The following AK7 variants were observed in gnomAD, a reference collection of about 807,000 sequenced individuals.
AK7 encodes the protein adenylate kinase 7, also known as ATP-AMP transphosphorylase 7.
Under a neutral mutation model 96.6 loss-of-function variants are expected in AK7, and 78 were observed. The ratio of observed to expected loss-of-function variants is 0.81; its 90% CI spans 0.67 to 0.97. The LOEUF (loss-of-function observed/expected upper bound fraction) is 0.97, where lower values mean the gene tolerates loss of function less well. Among genes scored for constraint, AK7 ranks in the 50% least tolerant of loss-of-function variants. AK7 has a pLI of 0.00. For synonymous variants in AK7, 302 were observed against 317.2 expected (o/e 0.95, Z 0.51); for missense variants, 855 against 887.9 (o/e 0.96, Z 0.47).
intron 12 of AK7, among the ~76,000 whole-genome samples, chr14:96,462,161 G>T (rs530611948): frequency 6.6e-6 from 1 of 152,172 alleles, no homozygotes; most frequent in Non-Finnish European, 1.5e-5. Context: ...TGTAAGAGGG[G>T]CCCTGGGAGG....
intron 5 of AK7, among the ~76,000 whole-genome samples, chr14:96,433,710 T>C (rs1484836871): frequency 6.6e-6 from 1 of 152,220 alleles, no homozygotes; most frequent in Non-Finnish European, 1.5e-5. Flanking sequence ...AGCTTTGTTC[T>C]GTTGCTGGCA....
chr14:96,411,263 A>T (rs911665171), intron 4 of AK7, among the ~76,000 whole-genome samples: 1 of 152,232 alleles, frequency 6.6e-6, no homozygotes. Context: ...TAATCCCAAC[A>T]CTTTGGAAGG....
At chr14:96,434,414 G>C (rs1186564665) in intron 5 of AK7, among the ~76,000 whole-genome samples, 2 of 114,416 alleles carry the variant, frequency 1.7e-5, no homozygotes, top group Non-Finnish European at 3.5e-5. Context: ...CAGTCTCTCT[G>C]TCTGTCTGTC....
At chr14:96,409,337 C>T (rs777773015) in intron 4 of AK7, among the ~76,000 whole-genome samples, 19 of 152,172 alleles carry the variant, frequency 1.2e-4, no homozygotes, top group African/African-American at 2.9e-4. Flanking sequence ...TTTGGGAGGC[C>T]GAGGCGGGTG....
intron 12 of AK7, among the ~76,000 whole-genome samples, chr14:96,465,379 C>T (rs1454190432): frequency 1.3e-5 from 2 of 151,488 alleles, no homozygotes; most frequent in Non-Finnish European, 2.9e-5. Flanking sequence ...AGGAGAATGG[C>T]GTGAACCCGG....
chr14:96,446,009 G>C (rs1893211460), intron 7 of AK7, among the ~76,000 whole-genome samples: 1 of 152,186 alleles, frequency 6.6e-6, no homozygotes, highest in Admixed American at 6.5e-5. Context: ...GGAAACCTTG[G>C]CAACTGGGAT....
At chr14:96,456,761 G>A (rs985157587) in intron 11 of AK7, 2 of 272,820 alleles carry the variant, frequency 7.3e-6, no homozygotes, top group East Asian at 8.8e-5. Context: ...ATGAACACAA[G>A]TGTGTGTTTG....
chr14:96,395,861 G>C (rs1199306741), intron 1 of AK7, among the ~76,000 whole-genome samples: 5 of 126,244 alleles, frequency 4.0e-5, no homozygotes, highest in Admixed American at 9.2e-5. Flanking sequence ...TGCCAGGCTG[G>C]AGTACAGTAG....
At chr14:96,392,627 C>G (rs912508955) in intron 1 of AK7, among the ~76,000 whole-genome samples, 3 of 152,026 alleles carry the variant, frequency 2.0e-5, no homozygotes, top group Admixed American at 1.3e-4. Context: ...TTCTACCCTT[C>G]CATCGATTTT....
At chr14:96,466,420 A>T (rs993088238) in intron 12 of AK7, among the ~76,000 whole-genome samples, 2 of 151,770 alleles carry the variant, frequency 1.3e-5, no homozygotes, top group Non-Finnish European at 2.9e-5. Flanking sequence ...TGTATTTTTT[A>T]GTAGAGACGG....
At chr14:96,484,115 T>C (rs1895653168) in intron 16 of AK7, among the ~76,000 whole-genome samples, 1 of 152,040 alleles carries the variant, frequency 6.6e-6, no homozygotes, top group African/African-American at 2.4e-5. Flanking sequence ...CCCCAACTAC[T>C]AGGGAGGCTA....
chr14:96,456,837 G>C (rs1471286670), intron 11 of AK7: 2 of 223,316 alleles, frequency 9.0e-6, no homozygotes, highest in African/African-American at 4.6e-5. Context: ...GAGTGGTCAT[G>C]CTGGTTTCTC....
intron 3 of AK7, among the ~76,000 whole-genome samples, chr14:96,406,560 A>G (rs1890724311): frequency 6.6e-6 from 1 of 152,194 alleles, no homozygotes; most frequent in Non-Finnish European, 1.5e-5. Context: ...AGATCCTTCA[A>G]TCTGTCACCA....
chr14:96,438,619 A>G (rs1440504544), intron 6 of AK7, among the ~76,000 whole-genome samples: 1 of 152,198 alleles, frequency 6.6e-6, no homozygotes, highest in Non-Finnish European at 1.5e-5. Flanking sequence ...AGCGGTAATG[A>G]GAGAGTCAGA....
intron 3 of AK7, among the ~76,000 whole-genome samples, chr14:96,406,520 GTGTT>G (rs1267058547): frequency 6.6e-6 from 1 of 152,172 alleles, no homozygotes. Context: ...GAGATATAGA[GTGTT>G]TGTGTCTGCA....
At chr14:96,443,198 GA>G (rs1409764355) in intron 7 of AK7, among the ~76,000 whole-genome samples, 2 of 152,182 alleles carry the variant, frequency 1.3e-5, no homozygotes, top group African/African-American at 4.8e-5. Flanking sequence ...AATTCAAATG[GA>G]AAACTGTAAA....
At chr14:96,478,439 A>G (rs771799881) in intron 14 of AK7, 26 bp from the exon 15 acceptor site, 2 of 1,613,362 alleles carry the variant, frequency 1.2e-6, no homozygotes, top group East Asian at 2.2e-5. Flanking sequence ...TATTGTGCCA[A>G]CTCTGGAGTC....
At chr14:96,448,599 C>T (rs1182770175) in intron 8 of AK7, among the ~76,000 whole-genome samples, 3 of 136,642 alleles carry the variant, frequency 2.2e-5, no homozygotes, top group Non-Finnish European at 4.6e-5. Flanking sequence ...CACTGCACTG[C>T]AGCCTGGGCA....
At chr14:96,469,385 C>T (rs1325600289) in intron 12 of AK7, among the ~76,000 whole-genome samples, 2 of 151,978 alleles carry the variant, frequency 1.3e-5, no homozygotes, top group African/African-American at 2.4e-5. Context: ...ATTAGCTGGG[C>T]GTAGTGGTGC....
Sources: gnomAD v4.1 joint callset for allele counts (sites outside exome capture counted in the v4.1 genomes callset) on GRCh38, gnomAD v4.1.1 for gene constraint, MANE v1.5 for transcripts, NCBI Gene and HGNC (gene_info 2026-07-23, HGNC 2026-07-21) for gene names.